The following MAP7D3 variants were observed in gnomAD, a reference collection of about 807,000 sequenced individuals.
MAP7D3 encodes MAP7 domain-containing protein 3.
Under a neutral mutation model 62.2 loss-of-function variants are expected in MAP7D3, and 45 were observed. The ratio of observed to expected loss-of-function variants is 0.72; its 90% confidence interval spans 0.57 to 0.93. The LOEUF is 0.93. Among genes scored for constraint, MAP7D3 ranks in the 40% least tolerant of loss-of-function variants. The probability of loss-of-function intolerance (pLI) is 0.00; values close to 1 mark genes in which losing one functional copy is unlikely to be tolerated. For synonymous variants in MAP7D3, 288 were observed against 248.8 expected (o/e 1.16, Z -1.48); for missense variants, 711 against 683.1 (o/e 1.04, Z -0.45).
chrX:136,221,475 G>A (rs1188401790), intron 15 of MAP7D3, among the ~76,000 whole-genome samples: 4 of 111,438 alleles, frequency 3.6e-5, no homozygotes, highest in East Asian at 2.8e-4. Flanking sequence ...ACAGGCGCCC[G>A]CCACCACGCC....
At position 136,219,463 on chromosome X, in the gene MAP7D3, G is replaced by C. The variant is rs755808422; in HGVS notation, c.2598C>G (p.Ile866Met). ...TAAAGGTGTCTGAGGACTTTGGCAA[G>C]ATGTCATGGAATCCTTCAGATTTTG... ...AQTKSEGFHD[I>M]LPKSSDTFRQ is the part of the protein sequence containing the mutation. The change falls in exon 18 of 19, where the codon ATC becomes ATG. Residue 866 changes from isoleucine to methionine, a missense_variant. Transcript: ENST00000316077. 2 of 1,207,212 alleles carry C rather than the reference G, an allele frequency of 1.7e-6. No individual in the cohort carries two copies. The highest frequency in any genetic ancestry group is 2.2e-6 in the Non-Finnish European group (2 of 891,382).
At chrX:136,220,463 A>G (rs771007777) in intron 16 of MAP7D3, among the ~76,000 whole-genome samples, 93 of 112,780 alleles carry the variant, frequency 8.2e-4, no homozygotes, top group African/African-American at 2.7e-3. Flanking sequence ...TGTGAACAAA[A>G]GTAAAGTTTG....
At chrX:136,256,328 T>C (rs779822017), upstream of MAP7D3, 827 of 1,153,583 alleles carry the variant, frequency 7.2e-4, 1 homozygote, top group Non-Finnish European at 9.2e-4. Context: ...ATGTCTCACT[T>C]GGTTGATGGC....
rs751958567 is a variant in MAP7D3 at position 136,218,873 on chromosome X, C to T, written c.*33-380G>A. On this transcript the variant is annotated intron_variant, in intron 18 of 18. Transcript: ENST00000316077. ...GAAAAGATCATTTTTTTTTTTGAGA[C>T]AGAGTCTTGTTCTGTCACCCAGGCT... 1.5e-4 allele frequency among the ~76,000 whole-genome samples: 17 copies of T among 110,305 alleles called. No homozygotes were observed. In the South Asian group the frequency reaches 6.6e-3, roughly 43 times the overall value.
chrX:136,216,614 A>C (rs2074066509), downstream of MAP7D3, among the ~76,000 whole-genome samples: 1 of 109,862 alleles, frequency 9.1e-6, no homozygotes, highest in Non-Finnish European at 1.9e-5. Flanking sequence ...ACAAACAAAC[A>C]AACAAAAAAA....
At chrX:136,232,439 C>A (rs1420358269) in intron 7 of MAP7D3, among the ~76,000 whole-genome samples, 1 of 112,148 alleles carries the variant, frequency 8.9e-6, no homozygotes, top group African/African-American at 3.2e-5. Flanking sequence ...TAACAACAGT[C>A]GTTGTAAAGG....
chrX:136,249,789 A>C (rs1237873905), intron 1 of MAP7D3, among the ~76,000 whole-genome samples: 1 of 112,200 alleles, frequency 8.9e-6, no homozygotes, highest in African/African-American at 3.2e-5. Flanking sequence ...CTGTGAAAAA[A>C]GTCTAACATG....
chrX:136,214,344 G>A (rs898332032), downstream of MAP7D3: 1 of 111,365 alleles, frequency 9.0e-6, no homozygotes, highest in African/African-American at 3.3e-5. Context: ...GCCAGGCACT[G>A]GAGGGGTGGG....
In MAP7D3 at chrX:136,226,172, A is replaced by T. The variant is rs186696995; in HGVS notation, c.2035-159T>A. 3.6e-3 allele frequency among the ~76,000 whole-genome samples: 403 copies of T among 110,949 alleles called. 3 individuals are homozygous for T. The highest frequency in any genetic ancestry group is 6.0e-3 in the Non-Finnish European group (317 of 52,975). Reference sequence around the variant, plus strand: ...TATATCATGATATTTGCGGATTGTCAATTTTCAAAGCACTAGTTAGAATGC... The same window carrying T: ...TATATCATGATATTTGCGGATTGTCTATTTTCAAAGCACTAGTTAGAATGC... On this transcript the variant is annotated intron_variant, in intron 12 of 18. Transcript: ENST00000316077.
chrX:136,225,032 G>A, intron 13 of MAP7D3, 152 bp from the exon 14 acceptor site: 1 of 423,118 alleles, frequency 2.4e-6, no homozygotes, highest in Non-Finnish European at 4.0e-6. Context: ...GCTTACGGTG[G>A]CAGTTGAGTC....
chrX:136,227,995 A>G (rs953873767), intron 11 of MAP7D3, among the ~76,000 whole-genome samples: 1 of 112,201 alleles, frequency 8.9e-6, no homozygotes, highest in African/African-American at 3.2e-5. Flanking sequence ...CTTAAAAGCA[A>G]ATTCAGTACT....
chrX:136,241,209 T>G lies in MAP7D3; in HGVS notation c.486A>C (p.Lys162Asn). The G allele has an allele frequency of 8.4e-7, 1 of 1,194,324 alleles. No individual in the cohort carries two copies. The highest frequency in any genetic ancestry group is 1.7e-5 in the African/African-American group (1 of 57,219). The change falls in exon 5 of 19, where the codon AAA (lysine) becomes AAC (asparagine). Residue 162 changes from lysine to asparagine, a missense_variant. Transcript: ENST00000316077. Reference protein sequence around the residue: ...RRRLADDYQQKRWSWGGSAMA... With the variant: ...RRRLADDYQQNRWSWGGSAMA... The stretch of plus-strand genomic sequence containing the variant: ...TTGCAGAGCCTCCCCATGACCATCT[T>G]TTTTGCTGATAATCATCAGCAAGTC...
intron 6 of MAP7D3, 126 bp from the exon 7 acceptor site, chrX:136,236,465 T>C: frequency 9.2e-6 from 3 of 327,036 alleles, no homozygotes; most frequent in Non-Finnish European, 1.6e-5. Context: ...TTTCAAATAT[T>C]ATGCAGAGAT....
chrX:136,237,357 A>T (rs958353158), intron 6 of MAP7D3, among the ~76,000 whole-genome samples: 1 of 112,272 alleles, frequency 8.9e-6, no homozygotes, highest in African/African-American at 3.2e-5. Context: ...ATCAGCAATG[A>T]GTAGAAAAAA....
chrX:136,224,198 C>T (rs2074165710), intron 14 of MAP7D3, among the ~76,000 whole-genome samples: 1 of 108,518 alleles, frequency 9.2e-6, no homozygotes, highest in African/African-American at 3.4e-5. Context: ...GTCAGGATTT[C>T]GAGACCAGTC....
chrX:136,240,623 G>A (rs180991163), intron 5 of MAP7D3, 137 bp from the exon 6 acceptor site: 3 of 438,277 alleles, frequency 6.8e-6, no homozygotes, highest in Admixed American at 4.0e-5. Context: ...ATCACTGCCC[G>A]TCAATCCTTT....
upstream of MAP7D3, chrX:136,251,478 CGGGG>C: frequency 1.7e-4 from 50 of 287,962 alleles, no homozygotes; most frequent in East Asian, 2.1e-4. Flanking sequence ...CGGGGCGGGG[CGGGG>C]CCCGAAGGGC....
intron 4 of MAP7D3, among the ~76,000 whole-genome samples, chrX:136,243,230 AAG>A (rs2074409174): frequency 8.9e-6 from 1 of 111,859 alleles, no homozygotes. Flanking sequence ...GACAGAAAAT[AAG>A]AGAGGGAAAT....
At chrX:136,229,945 ATTT>A (rs1171133598) in intron 10 of MAP7D3, among the ~76,000 whole-genome samples, 2 of 68,256 alleles carry the variant, frequency 2.9e-5, no homozygotes, top group Non-Finnish European at 5.4e-5. Context: ...CATCGGGCTA[ATTT>A]TTTTTTTTGT....
Sources: gnomAD v4.1 joint callset for allele counts (sites outside exome capture counted in the v4.1 genomes callset) on GRCh38, gnomAD v4.1.1 for gene constraint, MANE v1.5 for transcripts, NCBI Gene and HGNC (gene_info 2026-07-23, HGNC 2026-07-21) for gene names.